The following HTR2C variants were observed in gnomAD, a reference collection of about 807,000 sequenced individuals.
The protein encoded by HTR2C is 5-hydroxytryptamine receptor 2C.
HTR2C carries 5 observed loss-of-function variants against 21.0 expected under a neutral mutation model. The observed-to-expected ratio is 0.24, with a 90% CI of 0.12 to 0.50. The LOEUF (loss-of-function observed/expected upper bound fraction) is 0.50. HTR2C is among the 20% of genes least tolerant of loss of function. HTR2C has a pLI of 0.98. For missense variants in HTR2C, 271 were observed against 371.2 expected, an observed-to-expected ratio of 0.73 and a Z score of 2.22; for synonymous variants, 150 against 145.3, an observed-to-expected ratio of 1.03 and a Z score of -0.23.
chrX:114,665,372 A>G (rs1046405788), intron 2 of HTR2C, among the ~76,000 whole-genome samples: 1 of 112,054 alleles, frequency 8.9e-6, no homozygotes, highest in Non-Finnish European at 1.9e-5. Flanking sequence ...TAAATCCAAA[A>G]CAATGGACTG....
chrX:114,859,316 CTGTGTG>C (rs369447787), intron 5 of HTR2C, among the ~76,000 whole-genome samples: 1 of 106,412 alleles, frequency 9.4e-6, no homozygotes, highest in Non-Finnish European at 2.0e-5. Context: ...TGGTATGTGT[CTGTGTG>C]TGTGTGTGTG....
chrX:114,777,775 G>T (rs1398907196), intron 4 of HTR2C, among the ~76,000 whole-genome samples: 1 of 111,161 alleles, frequency 9.0e-6, no homozygotes, highest in Non-Finnish European at 1.9e-5. Context: ...CCAGGCTGGT[G>T]TCAAACTCCT....
chrX:114,754,463 G>A (rs1030312654), intron 4 of HTR2C, among the ~76,000 whole-genome samples: 4 of 111,538 alleles, frequency 3.6e-5, no homozygotes, highest in Non-Finnish European at 7.5e-5. Flanking sequence ...ATAGATCAAT[G>A]GAACAGAACA....
intron 2 of HTR2C, among the ~76,000 whole-genome samples, chrX:114,655,799 C>G (rs1210794107): frequency 9.0e-6 from 1 of 110,785 alleles, no homozygotes; most frequent in Non-Finnish European, 1.9e-5. Context: ...AAAACTCTAC[C>G]CTTCTGATTT....
intron 1 of HTR2C, among the ~76,000 whole-genome samples, chrX:114,609,857 TG>T (rs782759018): frequency 1.8e-5 from 2 of 111,730 alleles, no homozygotes; most frequent in East Asian, 5.6e-4. Flanking sequence ...TAATCTACAG[TG>T]ATAGAAGTCA....
chrX:114,597,723 A>T (rs939980271), intron 1 of HTR2C, among the ~76,000 whole-genome samples: 5 of 112,095 alleles, frequency 4.5e-5, no homozygotes, highest in Non-Finnish European at 9.4e-5. Flanking sequence ...AGAAATGAAA[A>T]TGTGATACTG....
intron 3 of HTR2C, among the ~76,000 whole-genome samples, chrX:114,727,278 A>T (rs1556422290): frequency 8.9e-6 from 1 of 112,349 alleles, no homozygotes; most frequent in East Asian, 2.8e-4. Context: ...TTAGAAAGGA[A>T]AAATTTCTGT....
At chrX:114,722,497 A>G (rs1270102763) in intron 2 of HTR2C, among the ~76,000 whole-genome samples, 5 of 110,861 alleles carry the variant, frequency 4.5e-5, no homozygotes, top group Non-Finnish European at 9.4e-5. Flanking sequence ...CTAATTGAAT[A>G]CCCTTTATTT....
At chrX:114,694,304 A>G (rs1932198276) in intron 2 of HTR2C, among the ~76,000 whole-genome samples, 1 of 110,060 alleles carries the variant, frequency 9.1e-6, no homozygotes, top group Admixed American at 9.7e-5. Flanking sequence ...GGTATTTTAC[A>G]TAGAATTTCT....
intron 4 of HTR2C, among the ~76,000 whole-genome samples, chrX:114,802,064 T>C (rs1445988971): frequency 3.6e-5 from 4 of 110,745 alleles, no homozygotes; most frequent in African/African-American, 1.3e-4. Flanking sequence ...CAAAGAATTC[T>C]CCCCCACTTC....
At chrX:114,595,207 A>T (rs1556392264) in intron 1 of HTR2C, among the ~76,000 whole-genome samples, 1 of 111,302 alleles carries the variant, frequency 9.0e-6, no homozygotes, top group African/African-American at 3.3e-5. Flanking sequence ...ATGAGTTCTT[A>T]TTCAGAATTC....
At chrX:114,706,393 T>C (rs1278784300) in intron 2 of HTR2C, among the ~76,000 whole-genome samples, 1 of 93,993 alleles carries the variant, frequency 1.1e-5, no homozygotes, top group Non-Finnish European at 2.1e-5. Context: ...AAATGATGAG[T>C]TCATGTCCTT....
chrX:114,900,364 G>C, intron 5 of HTR2C: 1 of 256,934 alleles, frequency 3.9e-6, no homozygotes, highest in Admixed American at 4.0e-5. Context: ...TAAAACTTCT[G>C]AGATTTCTGG....
At chrX:114,733,077 A>G (rs1414956737) in intron 4 of HTR2C, among the ~76,000 whole-genome samples, 1 of 111,403 alleles carries the variant, frequency 9.0e-6, no homozygotes, top group Non-Finnish European at 1.9e-5. Context: ...GAAATAAACT[A>G]GAGGAAAGCT....
chrX:114,681,496 A>G (rs1241239290), intron 2 of HTR2C, among the ~76,000 whole-genome samples: 2 of 111,083 alleles, frequency 1.8e-5, no homozygotes, highest in Admixed American at 1.9e-4. Flanking sequence ...CTAGTGGCAG[A>G]GCAAGTTTTA....
At chrX:114,628,405 ATTTTTTTTTT>A (rs35975864) in intron 2 of HTR2C, among the ~76,000 whole-genome samples, 4 of 43,910 alleles carry the variant, frequency 9.1e-5, no homozygotes, top group African/African-American at 9.3e-5. Flanking sequence ...TGCCAGGCTA[ATTTTTTTTTT>A]TTTTTTTTTT....
At chrX:114,738,994 A>G (rs1468610315) in intron 4 of HTR2C, among the ~76,000 whole-genome samples, 2 of 110,481 alleles carry the variant, frequency 1.8e-5, no homozygotes, top group Non-Finnish European at 3.8e-5. Context: ...TTATATTAAT[A>G]CATTATTATA....
intron 2 of HTR2C, among the ~76,000 whole-genome samples, chrX:114,648,003 A>G (rs1930424139): frequency 8.9e-6 from 1 of 112,658 alleles, no homozygotes; most frequent in Non-Finnish European, 1.9e-5. Context: ...TTTATTTAAT[A>G]TAAGTTTAAA....
chrX:114,827,833 T>C (rs1350016154), intron 4 of HTR2C, among the ~76,000 whole-genome samples: 1 of 111,603 alleles, frequency 9.0e-6, no homozygotes, highest in East Asian at 2.8e-4. Context: ...CTGGTTTTCA[T>C]GGTTTCTGAT....
Sources: gnomAD v4.1 joint callset for allele counts (sites outside exome capture counted in the v4.1 genomes callset) on GRCh38, gnomAD v4.1.1 for gene constraint, MANE v1.5 for transcripts, NCBI Gene and HGNC (gene_info 2026-07-23, HGNC 2026-07-21) for gene names.